Variants in PRDM15 observed in about 807,000 individuals in gnomAD.
PRDM15 encodes PR/SET domain 15.
Under a neutral mutation model 128.6 loss-of-function variants are expected in PRDM15, and 64 were observed. The observed-to-expected ratio is 0.50, with a 90% CI of 0.41 to 0.61. The LOEUF (loss-of-function observed/expected upper bound fraction) is 0.61, where lower values mean the gene tolerates loss of function less well. Among genes scored for constraint, PRDM15 ranks in the 20% least tolerant of loss-of-function variants. The pLI, the probability that PRDM15 is intolerant of heterozygous loss-of-function variation, is 0.00. For synonymous variants in PRDM15, 615 were observed against 621.8 expected (o/e 0.99, Z 0.16); for missense variants, 1,242 against 1,569.1 (o/e 0.79, Z 3.52).
At position 41,862,039 on chromosome 21, in the gene PRDM15, C is replaced by G. The variant is rs1364267555; in HGVS notation, c.-9-1667G>C. 3.3e-6 allele frequency: 5 copies of G among 1,532,844 alleles called. No individual in the cohort carries two copies. Among genetic ancestry groups the G allele is most frequent in the Non-Finnish European group, 4.5e-6 (5 of 1,111,112 alleles). The allele number at this position is 1,532,844 out of a possible 1,614,324, so 95.0% of individuals were successfully genotyped here. A position where few individuals can be genotyped will look rare whatever the true frequency, so the allele number is the denominator to read the frequency against. On this transcript the variant is annotated intron_variant, in intron 1 of 23. Coordinates refer to ENST00000398548, the MANE Select transcript of PRDM15 (RefSeq NM_001040424.3). The surrounding 1 kb of genome is among the most constrained non-coding windows in gnomAD (Gnocchi z 4.1). ...ATGGGCACCTCGGCGCAAATAGGGA[C>G]CAGTCTGGGATGGGGGCTCAGCTGG...
At chr21:41,804,360 CGAG>C (rs1471081831) in intron 22 of PRDM15, among the ~76,000 whole-genome samples, 171 bp downstream of exon 22, 22 of 152,324 alleles carry the variant, frequency 1.4e-4, no homozygotes, top group Admixed American at 7.8e-4. Flanking sequence ...ACTACAGAAA[CGAG>C]GAGATGATCT....
At position 41,802,843 on chromosome 21, in the gene PRDM15, G is replaced by A; in HGVS notation, c.2812C>T (p.Gln938Ter). The A allele has an allele frequency of 6.2e-7, 1 of 1,614,156 alleles. No individual in the cohort carries two copies. The highest frequency in any genetic ancestry group is 8.5e-7 in the Non-Finnish European group (1 of 1,180,024). ...KAAKRSHKRK[Q>*]KPEEEAGAPV... ...GCACCCGCCTCCTCTTCTGGCTTCT[G>A]CTTTCTCTTGTGACTTCGCTTGGCA... is the stretch of plus-strand genomic sequence containing the variant. Residue 938 changes from glutamine (Q) to a stop codon, truncating the protein, a stop_gained, in exon 23 of 24, where the codon CAG (glutamine) becomes TAG (stop). Coordinates refer to ENST00000398548, the MANE Select transcript of PRDM15 (RefSeq NM_001040424.3). LOFTEE classifies it high-confidence loss of function.
Position 41,832,870 on chromosome 21 carries a change from T to G in PRDM15, c.1366+2567A>C, listed in dbSNP as rs1037922613. On this transcript the variant is annotated intron_variant, in intron 11 of 23. Transcript: ENST00000398548. This position sits in a 1 kb window ranked among gnomAD's most constrained non-coding sequence, Gnocchi z 4.2. ...GGAAAGAGAACCTACTTCAGGCCAC[T>G]CCCCAGCTGTCCCGGACAACTCTGC... Among the ~76,000 whole-genome samples, 1 of 152,108 alleles carries G rather than the reference T, an allele frequency of 6.6e-6. No individual in the cohort carries two copies. Among genetic ancestry groups the G allele is most frequent in the Admixed American group, 6.5e-5 (1 of 15,270 alleles).
At chr21:41,823,048 AGAATGG>A (rs2062337185) in intron 14 of PRDM15, 2 of 378,352 alleles carry the variant, frequency 5.3e-6, no homozygotes, top group Admixed American at 8.2e-5. Flanking sequence ...AAAAAAAAAA[AGAATGG>A]GATTTGGGCC....
intron 6 of PRDM15, 27 bp downstream of exon 6, chr21:41,847,063 C>T: frequency 6.9e-7 from 1 of 1,447,450 alleles, no homozygotes; most frequent in South Asian, 1.2e-5. Flanking sequence ...AGTTTTACAA[C>T]TGGGGCTCCC....
chr21:41,864,042 C>T (rs1335744020), intron 1 of PRDM15, among the ~76,000 whole-genome samples: 1 of 152,126 alleles, frequency 6.6e-6, no homozygotes, highest in Non-Finnish European at 1.5e-5. Flanking sequence ...CGGGGTTTCA[C>T]CATGTTGGCC....
chr21:41,853,698 A>G (rs2063495830), intron 5 of PRDM15, among the ~76,000 whole-genome samples: 1 of 152,240 alleles, frequency 6.6e-6, no homozygotes, highest in South Asian at 2.1e-4. Flanking sequence ...CCGCTTTTTC[A>G]GCAGGAATGC....
rs1459402491 is a variant in PRDM15 at position 41,839,752 on chromosome 21, G to A, written c.742C>T (p.Pro248Ser). The A allele has an allele frequency of 3.1e-6, 5 of 1,614,250 alleles. No individual in the cohort carries two copies. Among genetic ancestry groups the A allele is most frequent in the Non-Finnish European group, 4.2e-6 (5 of 1,180,042 alleles). ...EKEQDTPRGE[P>S]PAVPESENVA... is the part of the protein sequence containing the mutation. ...TTCTCGCTCTCGGGCACTGCAGGGG[G>A]TTCCCCCCGGGGTGTGTCCTGCTCC... The change falls in exon 7 of 24, where the codon CCC becomes TCC. Residue 248 changes from proline to serine, a missense_variant. Pro to Ser is a moderately conservative substitution (Grantham distance 74). Coordinates refer to ENST00000398548, the MANE Select transcript of PRDM15 (RefSeq NM_001040424.3).
chr21:41,871,030 A>G (rs2064189320), intron 1 of PRDM15: 1 of 153,746 alleles, frequency 6.5e-6, no homozygotes, highest in South Asian at 2.1e-4. Flanking sequence ...CTCATAAAGT[A>G]GTGTTAAAAC....
In PRDM15 at chr21:41,828,112, C is replaced by T. The variant is rs929393578; in HGVS notation, c.1534+54G>A. 5.0e-6 allele frequency: 8 copies of T among 1,595,606 alleles called. No individual in the cohort carries two copies. The African/African-American group carries it at 5.4e-5, about 11-fold the overall frequency. Reference sequence around the variant, plus strand: ...CTGACTGCTCCATGCCGCCCTGCCCCACCCCGCAGGAGCTGCCTCTCCCCG... The same window carrying T: ...CTGACTGCTCCATGCCGCCCTGCCCTACCCCGCAGGAGCTGCCTCTCCCCG... On this transcript the variant is annotated intron_variant, in intron 12 of 23. Transcript: ENST00000398548. This position sits in a 1 kb window ranked among gnomAD's most constrained non-coding sequence, Gnocchi z 5.7.
In PRDM15 at chr21:41,838,074, G is replaced by A. The variant is rs1284716595; in HGVS notation, c.872-11C>T. 2 of 1,613,300 alleles carry A rather than the reference G, an allele frequency of 1.2e-6. No individual in the cohort carries two copies. Among genetic ancestry groups the A allele is most frequent in the Non-Finnish European group, 1.7e-6 (2 of 1,179,802 alleles). On this transcript the variant is annotated splice_polypyrimidine_tract_variant and intron_variant, in intron 7 of 23. Transcript: ENST00000398548. ...TCTCTGCCACTTGCTCTGTACGAAG[G>A]GGATGTGACAAGCTAAGTAACCACA...
intron 4 of PRDM15, among the ~76,000 whole-genome samples, chr21:41,855,619 T>A (rs1349258096): frequency 6.6e-6 from 1 of 152,066 alleles, no homozygotes; most frequent in East Asian, 1.9e-4. Context: ...GGCGGCACGC[T>A]CTCTCTGGTG....
chr21:41,854,651 A>C lies in PRDM15; in HGVS notation c.453T>G (p.Gly151=). ...YFTTSRDIPP[G]TELRVWYAAF... is the part of the protein sequence containing the mutation. ...CCGCATACCACACGCGCAGCTCGGTACCCGGGGGGATGTCTCTGGAGGTGG... is the reference window on the plus strand; with the variant it reads ...CCGCATACCACACGCGCAGCTCGGTCCCCGGGGGGATGTCTCTGGAGGTGG... Residue 151 remains glycine (G), a synonymous_variant, in exon 5 of 24, where the codon GGT becomes GGG. Transcript: ENST00000398548. This position sits in a 1 kb window ranked among gnomAD's most constrained non-coding sequence, Gnocchi z 4.6. 6.2e-7 allele frequency: 1 copy of C among 1,613,720 alleles called. No individual in the cohort carries two copies. Among genetic ancestry groups the C allele is most frequent in the Non-Finnish European group, 8.5e-7 (1 of 1,179,964 alleles).
chr21:41,835,498 G>A lies in PRDM15; in HGVS notation c.1305C>T (p.Cys435=), dbSNP rs1423132048. Residue 435 remains cysteine, a synonymous_variant, in exon 11 of 24, where the codon TGC becomes TGT. Transcript: ENST00000398548. ...NEVDGEYRYR[C]GTCEKTFRIE... The stretch of plus-strand genomic sequence containing the variant: ...TGCGGAAGGTCTTCTCACAAGTGCC[G>A]CAGCGGTACCTGTACTCGCCGTCCA... The A allele has an allele frequency of 1.9e-6, 3 of 1,610,142 alleles. No individual in the cohort carries two copies. Among genetic ancestry groups the A allele is most frequent in the Admixed American group, 3.3e-5 (2 of 60,010 alleles).
chr21:41,848,108 C>T (rs1254943705), intron 5 of PRDM15, among the ~76,000 whole-genome samples: 1 of 152,234 alleles, frequency 6.6e-6, no homozygotes, highest in Admixed American at 6.5e-5. Context: ...ATACAGCCTG[C>T]ATTGAAGTTC....
chr21:41,803,767 C>T (rs556886893), intron 22 of PRDM15, among the ~76,000 whole-genome samples: 2 of 152,238 alleles, frequency 1.3e-5, no homozygotes, highest in East Asian at 1.9e-4. Flanking sequence ...GAAGACTGCA[C>T]TCTAAAGCGC....
At position 41,828,963 on chromosome 21, in the gene PRDM15, A is replaced by G. The variant is rs2062575067; in HGVS notation, c.1367-630T>C. On this transcript the variant is annotated intron_variant, in intron 11 of 23. Coordinates refer to ENST00000398548, the MANE Select transcript of PRDM15 (RefSeq NM_001040424.3). This position sits in a 1 kb window ranked among gnomAD's most constrained non-coding sequence, Gnocchi z 5.7. ...ACAAATACACAATCACACACACCACATACACACACCACGCACACATGCCCC... is the reference window on the plus strand; with the variant it reads ...ACAAATACACAATCACACACACCACGTACACACACCACGCACACATGCCCC... Among the ~76,000 whole-genome samples the G allele has an allele frequency of 1.4e-5, 2 of 138,070 alleles. No homozygotes were observed. The highest frequency in any genetic ancestry group is 1.4e-4 in the Admixed American group (2 of 14,436). The allele number at this position is 138,070 out of a possible 152,430, so 90.6% of individuals were successfully genotyped here. A position where few individuals can be genotyped will look rare whatever the true frequency, so the allele number is the denominator to read the frequency against.
chr21:41,853,551 A>T (rs1008198067), intron 5 of PRDM15, among the ~76,000 whole-genome samples: 3 of 152,190 alleles, frequency 2.0e-5, no homozygotes, highest in Non-Finnish European at 4.4e-5. Context: ...AATTTCATAG[A>T]GTTTCTTCAG....
intron 1 of PRDM15, among the ~76,000 whole-genome samples, chr21:41,869,042 A>G (rs905975498): frequency 1.3e-5 from 2 of 152,008 alleles, no homozygotes; most frequent in East Asian, 1.9e-4. Context: ...TGTGCTTGAG[A>G]GTTCCTTATC....
Sources: gnomAD v4.1 joint callset for allele counts (sites outside exome capture counted in the v4.1 genomes callset) on GRCh38, gnomAD v4.1.1 for gene constraint, Gnocchi (gnomAD v3.1) non-coding constraint, MANE v1.5 for transcripts, NCBI Gene and HGNC (gene_info 2026-07-23, HGNC 2026-07-21) for gene names.